BTBD2: variants seen among roughly 807,000 people sequenced by gnomAD.
BTBD2 encodes the protein BTB domain containing 2.
In BTBD2, 15 loss-of-function variants were observed where a neutral mutation model predicts 44.0. That is an observed-to-expected ratio of 0.34 (90% CI 0.23 to 0.53). BTBD2 has a LOEUF of 0.53. Among genes scored for constraint, BTBD2 ranks in the 20% least tolerant of loss-of-function variants. The pLI is 0.95. For synonymous variants in BTBD2, 443 were observed against 335.9 expected, an observed-to-expected ratio of 1.32 and a Z score of -3.49; for missense variants, 657 against 746.4, an observed-to-expected ratio of 0.88 and a Z score of 1.39.
intron 1 of BTBD2, among the ~76,000 whole-genome samples, chr19:2,010,335 C>A (rs72979681): frequency 0.011 from 1,748 of 152,298 alleles, 21 homozygotes; most frequent in Non-Finnish European, 0.02. Flanking sequence ...CAGGCTCCAG[C>A]GCGCTGAGAT....
At chr19:1,986,774 G>A in intron 8 of BTBD2, 56 bp downstream of exon 8, 1 of 1,572,142 alleles carries the variant, frequency 6.4e-7, no homozygotes, top group Admixed American at 1.7e-5. Flanking sequence ...GTGCCCCGGT[G>A]GCTTCAGGAT....
At chr19:2,013,236 G>A (rs959521200) in intron 1 of BTBD2, among the ~76,000 whole-genome samples, 1 of 152,200 alleles carries the variant, frequency 6.6e-6, no homozygotes, top group African/African-American at 2.4e-5. Flanking sequence ...TCCCCCTCCA[G>A]TGCCCGCAGC....
intron 1 of BTBD2, among the ~76,000 whole-genome samples, chr19:2,012,612 G>A (rs550343472): frequency 6.6e-6 from 1 of 152,204 alleles, no homozygotes; most frequent in African/African-American, 2.4e-5. Flanking sequence ...TTTGAGCTGA[G>A]TGGGGGTCCA....
intron 1 of BTBD2, among the ~76,000 whole-genome samples, chr19:2,010,317 CTG>C (rs1178662619): frequency 3.3e-5 from 5 of 152,232 alleles, no homozygotes; most frequent in African/African-American, 9.6e-5. Flanking sequence ...TGCGTGCCTA[CTG>C]TGTGCCAGGC....
At chr19:1,987,474 C>G in intron 6 of BTBD2, 26 bp downstream of exon 6, 6 of 1,535,846 alleles carry the variant, frequency 3.9e-6, no homozygotes, top group Non-Finnish European at 5.2e-6. Flanking sequence ...ATGTCCGGAC[C>G]CCCCCGCCTG....
In BTBD2 at chr19:1,986,936, T is replaced by C; in HGVS notation, c.1310A>G (p.Asp437Gly). ...TDSNTVLGQN[D>G]TGFSCDGSAS... ...TGAGCCGTCGCAGCTGAAGCCCGTGTCGTTCTGGCCCAAGACGGTGTTGCT... is the reference window on the plus strand; with the variant it reads ...TGAGCCGTCGCAGCTGAAGCCCGTGCCGTTCTGGCCCAAGACGGTGTTGCT... Residue 437 changes from aspartate to glycine, a missense_variant, in exon 8 of 9, where the codon GAC becomes GGC. Around this residue, in one of 3 missense-constraint regions of BTBD2, gnomAD observed 449 missense variants for 510.9 expected, o/e 0.88. Transcript: ENST00000255608. 4 of 1,613,314 alleles carry C rather than the reference T, an allele frequency of 2.5e-6. No homozygotes were observed. The highest frequency in any genetic ancestry group is 3.4e-6 in the Non-Finnish European group (4 of 1,179,828).
intron 2 of BTBD2, among the ~76,000 whole-genome samples, chr19:1,993,634 G>C (rs749957159): frequency 5.3e-5 from 8 of 152,058 alleles, no homozygotes; most frequent in Non-Finnish European, 8.8e-5. Flanking sequence ...AATCATGGAC[G>C]CTATTACCAC....
At chr19:2,004,573 A>C (rs936914963) in intron 1 of BTBD2, among the ~76,000 whole-genome samples, 2 of 151,596 alleles carry the variant, frequency 1.3e-5, no homozygotes, top group Non-Finnish European at 2.9e-5. Context: ...CTGGGATTAC[A>C]GGCGTGAGCC....
At chr19:2,005,994 G>A (rs2016389571) in intron 1 of BTBD2, among the ~76,000 whole-genome samples, 1 of 151,578 alleles carries the variant, frequency 6.6e-6, no homozygotes, top group Non-Finnish European at 1.5e-5. Flanking sequence ...AGGCTAAGGT[G>A]GGAGGACTGT....
intron 1 of BTBD2, among the ~76,000 whole-genome samples, chr19:2,012,723 C>CG (rs796466788): frequency 6.6e-6 from 1 of 152,292 alleles, no homozygotes; most frequent in South Asian, 2.1e-4. Flanking sequence ...CTGAGCCCCC[C>CG]GGGGGCAGAC....
chr19:2,013,255 C>G (rs2016490251), intron 1 of BTBD2, among the ~76,000 whole-genome samples: 1 of 152,196 alleles, frequency 6.6e-6, no homozygotes, highest in Non-Finnish European at 1.5e-5. Context: ...GCAAGAAAAC[C>G]CAGCCCCTGC....
chr19:1,986,284 C>T lies in BTBD2; in HGVS notation c.*204G>A, dbSNP rs2016079418. On this transcript the variant is annotated 3_prime_UTR_variant, in exon 9 of 9. Transcript: ENST00000255608. ...GGCCTGGCCACTGGCCTGGCCACCTCCCCGGCTGCCCTGATCCAGCAGCCA... is the reference window on the plus strand; with the variant it reads ...GGCCTGGCCACTGGCCTGGCCACCTTCCCGGCTGCCCTGATCCAGCAGCCA... 4.7e-6 allele frequency: 3 copies of T among 635,498 alleles called. No homozygotes were observed. Among genetic ancestry groups the T allele is most frequent in the Non-Finnish European group, 8.0e-6 (3 of 372,722 alleles). 39.4% of individuals were successfully genotyped at this position (635,498 alleles called of 1,614,324 possible).
chr19:1,990,667 C>A (rs1301847469), intron 4 of BTBD2, 50 bp downstream of exon 4: 3 of 1,449,888 alleles, frequency 2.1e-6, no homozygotes, highest in African/African-American at 2.8e-5. Flanking sequence ...CCCGGACCCT[C>A]CCGCCGAGGC....
Position 1,987,712 on chromosome 19 carries a change from T to C in BTBD2, c.989-20A>G. 1.3e-6 allele frequency: 2 copies of C among 1,570,298 alleles called. No individual in the cohort carries two copies. The highest frequency in any genetic ancestry group is 3.4e-4 in the Middle Eastern group (2 of 5,848). On this transcript the variant is annotated intron_variant, in intron 5 of 8. Coordinates refer to ENST00000255608, the MANE Select transcript of BTBD2 (RefSeq NM_017797.4). Reference sequence around the variant, plus strand: ...CGGGACCTGCAGCACAGGGAGGGTGTGGGGGAGGGCCGGGCTGCACCCCAG... The same window carrying C: ...CGGGACCTGCAGCACAGGGAGGGTGCGGGGGAGGGCCGGGCTGCACCCCAG...
chr19:1,989,005 TG>T lies in BTBD2; in HGVS notation c.988+998del, dbSNP rs527847600. Among the ~76,000 whole-genome samples the T allele has an allele frequency of 2.7e-5, 4 of 150,278 alleles. No homozygotes were observed. In the South Asian group the frequency reaches 8.5e-4, roughly 32 times the overall value. On this transcript the variant is annotated intron_variant, in intron 5 of 8. Transcript: ENST00000255608. ...TCGGCTCATCACAACCTCCACCTCC[TG>T]GGTTCAAGTGATTCTCCTGCCTCAG...
intron 1 of BTBD2, among the ~76,000 whole-genome samples, chr19:2,008,826 C>A (rs1020292370): frequency 6.6e-6 from 1 of 152,058 alleles, no homozygotes; most frequent in African/African-American, 2.4e-5. Flanking sequence ...CCACCTCAGC[C>A]TCCCAAAGTG....
chr19:2,014,739 G>A, intron 1 of BTBD2: 1 of 158,520 alleles, frequency 6.3e-6, no homozygotes, highest in Admixed American at 6.5e-5. Flanking sequence ...AGGCCGAGTT[G>A]GAGGGTCCCA....
rs143500819 is a variant in BTBD2 at position 1,986,468 on chromosome 19, C to T, written c.*20G>A. 20 of 1,608,798 alleles carry T rather than the reference C, an allele frequency of 1.2e-5. No individual in the cohort carries two copies. Among genetic ancestry groups the T allele is most frequent in the African/African-American group, 9.3e-5 (7 of 74,914 alleles). Reference sequence around the variant, plus strand: ...TGCGGCTATCCCCACGGAGGGAGGGCGGTGTCGGTGTCGGGCAGCCTAGGT... The same window carrying T: ...TGCGGCTATCCCCACGGAGGGAGGGTGGTGTCGGTGTCGGGCAGCCTAGGT... On this transcript the variant is annotated 3_prime_UTR_variant, in exon 9 of 9. Transcript: ENST00000255608.
intron 1 of BTBD2, among the ~76,000 whole-genome samples, chr19:2,005,479 T>G (rs560997141): frequency 6.6e-6 from 1 of 152,034 alleles, no homozygotes; most frequent in Admixed American, 6.6e-5. Context: ...CATGCCTGGC[T>G]AATTTTTAAA....
Sources: allele counts gnomAD v4.1 joint callset (sites outside exome capture counted in the v4.1 genomes callset), GRCh38; gene constraint gnomAD v4.1.1; regional missense constraint gnomAD v4.1.1; transcripts MANE v1.5; gene names NCBI Gene and HGNC (gene_info 2026-07-23, HGNC 2026-07-21).